The following JMJD1C variants were observed in gnomAD, a reference collection of about 807,000 sequenced individuals.
The protein encoded by JMJD1C is jumonji domain containing 1C.
Under a neutral mutation model 245.3 loss-of-function variants are expected in JMJD1C, and 31 were observed. That is an observed-to-expected ratio of 0.13 (90% CI 0.09 to 0.17). JMJD1C has a LOEUF of 0.17. Ranked by LOEUF, JMJD1C falls within the 10% of genes least tolerant of loss-of-function variation. The pLI, the probability that JMJD1C is intolerant of heterozygous loss-of-function variation, is 1.00. For missense variants in JMJD1C, 2,691 were observed against 3,000.2 expected (o/e 0.90, Z 2.41); for synonymous variants, 1,057 against 1,017.4 (o/e 1.04, Z -0.74).
intron 24 of JMJD1C, among the ~76,000 whole-genome samples, chr10:63,175,340 A>G (rs1178499766): frequency 2.0e-5 from 3 of 152,146 alleles, no homozygotes; most frequent in Non-Finnish European, 2.9e-5. Flanking sequence ...ATGTAAATAC[A>G]TTTTTTCCAG....
At chr10:63,269,427 T>C (rs563576598) in intron 2 of JMJD1C, among the ~76,000 whole-genome samples, 22 of 152,300 alleles carry the variant, frequency 1.4e-4, no homozygotes, top group African/African-American at 3.9e-4. Context: ...AAGCTCAAGT[T>C]TACTGTCTCC....
At chr10:63,463,607 A>G (rs192734949) in intron 1 of JMJD1C, among the ~76,000 whole-genome samples, 7 of 152,332 alleles carry the variant, frequency 4.6e-5, no homozygotes, top group Non-Finnish European at 8.8e-5. Context: ...AAAATGGTAG[A>G]TTCTAGGCTA....
chr10:63,385,295 C>T (rs953178989), intron 1 of JMJD1C, among the ~76,000 whole-genome samples: 1 of 151,406 alleles, frequency 6.6e-6, no homozygotes. Flanking sequence ...TTTGAAATAT[C>T]GTGATAATTG....
At chr10:63,515,529 C>T (rs1954991078) in intron 1 of JMJD1C, among the ~76,000 whole-genome samples, 1 of 152,186 alleles carries the variant, frequency 6.6e-6, no homozygotes, top group East Asian at 1.9e-4. Flanking sequence ...TCAATTACAG[C>T]TCAGATTTTC....
At chr10:63,321,968 C>A (rs994556605) in intron 2 of JMJD1C, among the ~76,000 whole-genome samples, 1 of 152,214 alleles carries the variant, frequency 6.6e-6, no homozygotes, top group Non-Finnish European at 1.5e-5. Context: ...ACTGCTGAAG[C>A]TGACCTTGGG....
At chr10:63,493,752 AGCC>A (rs1954257411) in intron 1 of JMJD1C, among the ~76,000 whole-genome samples, 1 of 152,256 alleles carries the variant, frequency 6.6e-6, no homozygotes, top group South Asian at 2.1e-4. Context: ...TTTAGGGATT[AGCC>A]ATTTTCACAG....
chr10:63,465,305 A>G (rs1383703366), intron 1 of JMJD1C, 190 bp downstream of exon 1: 11 of 637,672 alleles, frequency 1.7e-5, no homozygotes, highest in Non-Finnish European at 2.9e-5. Context: ...CCACCTCCAC[A>G]GGGGAAGCCG....
At chr10:63,442,344 G>C (rs2616634) in intron 1 of JMJD1C, among the ~76,000 whole-genome samples, 149,273 of 152,294 alleles carry the variant, frequency 0.98, 73,214 homozygotes, top group Middle Eastern at 1. Context: ...TAAAGTATAT[G>C]ACACGCACAC....
intron 1 of JMJD1C, among the ~76,000 whole-genome samples, chr10:63,419,896 G>C (rs1323055789): frequency 4.0e-5 from 6 of 148,948 alleles, no homozygotes; most frequent in Non-Finnish European, 1.5e-5. Flanking sequence ...CCAGCACTTT[G>C]AGAGGCCAAG....
chr10:63,334,560 A>T (rs1047804606), intron 2 of JMJD1C, among the ~76,000 whole-genome samples: 70 of 152,232 alleles, frequency 4.6e-4, no homozygotes, highest in African/African-American at 1.7e-3. Flanking sequence ...TGTCTCTACA[A>T]AAAATTCAAA....
rs575990228 is a variant in JMJD1C, at chr10:63,379,942, CT to C, written c.333+375del. Among the ~76,000 whole-genome samples the C allele has an allele frequency of 4.3e-3, 633 of 145,604 alleles. 5 individuals carry two copies. The highest frequency in any genetic ancestry group is 0.014 in the African/African-American group (548 of 39,984). Reference sequence around the variant, plus strand: ...TCTTAGTCTTAAATTTTCATTTATTCTTTTTTTTTTTGTTAAGAGATGGGGT... The same window carrying C: ...TCTTAGTCTTAAATTTTCATTTATTCTTTTTTTTTTGTTAAGAGATGGGGT... On this transcript the variant is annotated intron_variant, in intron 2 of 25. Coordinates refer to ENST00000399262, the MANE Select transcript of JMJD1C (RefSeq NM_032776.3).
intron 2 of JMJD1C, among the ~76,000 whole-genome samples, chr10:63,360,354 G>A (rs1229968584): frequency 5.3e-5 from 8 of 152,098 alleles, no homozygotes; most frequent in Admixed American, 3.9e-4. Context: ...GTGAGACCCT[G>A]TCTCCGAATA....
intron 1 of JMJD1C, among the ~76,000 whole-genome samples, chr10:63,486,137 TAAAA>T (rs1166721473): frequency 5.5e-5 from 4 of 73,282 alleles, no homozygotes; most frequent in Non-Finnish European, 9.0e-5. Context: ...CAAGCAATTG[TAAAA>T]AAAAAAAAAA....
At chr10:63,292,999 A>T (rs960020824) in intron 2 of JMJD1C, among the ~76,000 whole-genome samples, 3 of 152,174 alleles carry the variant, frequency 2.0e-5, no homozygotes, top group Non-Finnish European at 2.9e-5. Flanking sequence ...AGCCGAGATC[A>T]TGCCACTGCA....
chr10:63,466,492 A>G (rs1953292299), upstream of JMJD1C: 2 of 152,422 alleles, frequency 1.3e-5, no homozygotes, highest in Non-Finnish European at 1.5e-5. Context: ...AACGAGGGGG[A>G]AAATGTGATC....
Position 63,266,871 on chromosome 10 carries a change from A to G in JMJD1C, c.334-2107T>C, listed in dbSNP as rs1855637644. On this transcript the variant is annotated intron_variant, in intron 2 of 25. Transcript: ENST00000399262. Reference sequence around the variant, plus strand: ...CTAGTCATTTTATAATATGAAAAACATTCTTCTGAAGAGAGCTCTCCTTTT... The same window carrying G: ...CTAGTCATTTTATAATATGAAAAACGTTCTTCTGAAGAGAGCTCTCCTTTT... Among the ~76,000 whole-genome samples the G allele has an allele frequency of 2.0e-5, 3 of 152,302 alleles. No homozygotes were observed. In the South Asian group the frequency reaches 6.2e-4, roughly 32 times the overall value.
At chr10:63,473,842 A>T (rs1479334124) in intron 1 of JMJD1C, among the ~76,000 whole-genome samples, 1 of 151,822 alleles carries the variant, frequency 6.6e-6, no homozygotes. Context: ...CAGGAGTTTG[A>T]GACCAGCCTG....
chr10:63,268,657 C>A, intron 2 of JMJD1C: 1 of 961,348 alleles, frequency 1.0e-6, no homozygotes, highest in Non-Finnish European at 1.2e-6. Flanking sequence ...AAAATACAAA[C>A]CGTACTTTGT....
chr10:63,208,746 C>T lies in JMJD1C; in HGVS notation c.2923G>A (p.Ala975Thr). The change falls in exon 10 of 26, where the codon GCC (alanine) becomes ACC (threonine). Residue 975 changes from alanine (A) to threonine (T), a missense_variant. Physicochemically the swap from Ala to Thr is moderately conservative, Grantham distance 58. Around this residue, in one of 9 missense-constraint regions of JMJD1C, gnomAD observed 1,562 missense variants for 1,490.7 expected, o/e 1.05. Coordinates refer to ENST00000399262, the MANE Select transcript of JMJD1C (RefSeq NM_032776.3). ...EPLRSVASTSAKNDLDLNRSQ... is the reference protein window; with the variant it reads ...EPLRSVASTSTKNDLDLNRSQ... ...CTATTTAGATCCAGGTCATTTTTGGCTGATGTGGATGCAACAGACCGTAAT... is the reference window on the plus strand; with the variant it reads ...CTATTTAGATCCAGGTCATTTTTGGTTGATGTGGATGCAACAGACCGTAAT... The T allele has an allele frequency of 6.2e-7, 1 of 1,613,354 alleles. No individual in the cohort carries two copies. Among genetic ancestry groups the T allele is most frequent in the Non-Finnish European group, 8.5e-7 (1 of 1,179,680 alleles).
Sources: gnomAD v4.1 joint callset for allele counts (sites outside exome capture counted in the v4.1 genomes callset) on GRCh38, gnomAD v4.1.1 for gene constraint, gnomAD v4.1.1 regional missense constraint, MANE v1.5 for transcripts, NCBI Gene and HGNC (gene_info 2026-07-23, HGNC 2026-07-21) for gene names.